Variants in GLB1 observed in about 807,000 individuals in gnomAD.
The protein encoded by GLB1 is galactosidase beta 1, also known as beta-galactosidase.
GLB1 carries 56 observed loss-of-function variants against 74.0 expected under a neutral mutation model. The ratio of observed to expected loss-of-function variants is 0.76; its 90% CI spans 0.61 to 0.94. GLB1 has a LOEUF of 0.94. Ranked by LOEUF, GLB1 falls within the 40% of genes least tolerant of loss-of-function variation. The probability of loss-of-function intolerance (pLI) is 0.00; values close to 1 mark genes in which losing one functional copy is unlikely to be tolerated. For synonymous variants in GLB1, 323 were observed against 323.6 expected (o/e 1.00, Z 0.02); for missense variants, 787 against 845.5 (o/e 0.93, Z 0.86).
chr3:33,026,058 T>G (rs994616298), intron 10 of GLB1, among the ~76,000 whole-genome samples: 2 of 151,930 alleles, frequency 1.3e-5, no homozygotes, highest in Non-Finnish European at 2.9e-5. Flanking sequence ...GGCCCCGAGG[T>G]AGAGCTGTGC....
chr3:32,982,926 T>C, the GLB1 span, among the ~76,000 whole-genome samples: 2 of 152,174 alleles, frequency 1.3e-5, no homozygotes, highest in Non-Finnish European at 2.9e-5. Flanking sequence ...GAATATATCA[T>C]TGTATTATCT....
rs553029870 is a variant in GLB1 at position 33,082,744 on chromosome 3, C to T, written c.76-10031G>A. 2.1e-4 allele frequency among the ~76,000 whole-genome samples: 32 copies of T among 152,222 alleles called. No homozygotes were observed. In the South Asian group the frequency reaches 6.2e-3, roughly 30 times the overall value. The stretch of plus-strand genomic sequence containing the variant: ...ACAGCAGTATATTCTCCCTCTTGCC[C>T]GGGGCTGTGTCCACTGCCCTGCTGT... On this transcript the variant is annotated intron_variant, in intron 1 of 15. Transcript: ENST00000307363.
intron 5 of GLB1, among the ~76,000 whole-genome samples, chr3:33,061,082 C>T (rs546900965): frequency 6.6e-6 from 1 of 152,080 alleles, no homozygotes; most frequent in Non-Finnish European, 1.5e-5. Flanking sequence ...AGAGGAACAC[C>T]GATGTTTCTA....
At chr3:33,004,966 G>T (rs1462830496) in intron 15 of GLB1, among the ~76,000 whole-genome samples, 1 of 152,190 alleles carries the variant, frequency 6.6e-6, no homozygotes, top group Non-Finnish European at 1.5e-5. Flanking sequence ...TAAGAAGAGA[G>T]CCCAGGACCA....
chr3:32,987,432 C>T, the GLB1 span, among the ~76,000 whole-genome samples: 3 of 152,232 alleles, frequency 2.0e-5, no homozygotes, highest in Admixed American at 6.5e-5. Flanking sequence ...ACCCTTCCCT[C>T]ACTTCCTTTC....
At chr3:33,055,753 C>T (rs1699188612) in intron 6 of GLB1, among the ~76,000 whole-genome samples, 2 of 150,998 alleles carry the variant, frequency 1.3e-5, no homozygotes, top group Admixed American at 6.6e-5. Flanking sequence ...AGGTAGGAGG[C>T]ACTGCGCTGG....
At chr3:33,074,381 GAAGGAAGGAAGA>G (rs1401358233) in intron 1 of GLB1, among the ~76,000 whole-genome samples, 1,025 of 9,158 alleles carry the variant, frequency 0.11, 20 homozygotes, top group Non-Finnish European at 0.26. Context: ...AGGAAGGAAG[GAAGGAAGGAAGA>G]AAGAAAGAAA....
chr3:32,970,092 T>C, the GLB1 span, among the ~76,000 whole-genome samples: 1 of 152,346 alleles, frequency 6.6e-6, no homozygotes, highest in Non-Finnish European at 1.5e-5. Flanking sequence ...TTCCCAGATT[T>C]GGACTGCCTC....
chr3:33,014,448 A>C, intron 14 of GLB1, 138 bp from the exon 15 acceptor site: 1 of 1,314,684 alleles, frequency 7.6e-7, no homozygotes, highest in Non-Finnish European at 1.0e-6. Context: ...ATATGTGTAC[A>C]TCGAAGTAAC....
At chr3:33,092,579 G>C in intron 1 of GLB1, 1 of 1,253,988 alleles carries the variant, frequency 8.0e-7, no homozygotes, top group Admixed American at 3.6e-5. Flanking sequence ...AAAATAGAGG[G>C]GAGTGCTAAT....
At chr3:32,998,885 C>T (rs866639018) in intron 15 of GLB1, among the ~76,000 whole-genome samples, 6 of 152,194 alleles carry the variant, frequency 3.9e-5, no homozygotes, top group African/African-American at 1.4e-4. Context: ...TTTTCAGCCT[C>T]CAAGTGTCCC....
chr3:33,072,710 C>T lies in GLB1; in HGVS notation c.79G>A (p.Ala27Thr). ...TCAATTTCAAACATCCTCTGGGTGGCATTCTACAGAGCAAGGATGGGGTCA... is the reference window on the plus strand; with the variant it reads ...TCAATTTCAAACATCCTCTGGGTGGTATTCTACAGAGCAAGGATGGGGTCA... ...LLGPTRGLRN[A>T]TQRMFEIDYS... Residue 27 changes from alanine to threonine, a missense_variant, in exon 2 of 16, where the codon GCC becomes ACC. Ala to Thr is a moderately conservative substitution (Grantham distance 58). Coordinates refer to ENST00000307363, the MANE Select transcript of GLB1 (RefSeq NM_000404.4). 6.2e-7 allele frequency: 1 copy of T among 1,614,152 alleles called. No homozygotes were observed. The highest frequency in any genetic ancestry group is 8.5e-7 in the Non-Finnish European group (1 of 1,180,032).
downstream of GLB1, among the ~76,000 whole-genome samples, chr3:32,993,140 T>C (rs1696254159): frequency 6.6e-6 from 1 of 152,200 alleles, no homozygotes; most frequent in African/African-American, 2.4e-5. Flanking sequence ...TCATTTCCTA[T>C]TTGTGTCATT....
At chr3:33,021,772 C>T in intron 11 of GLB1, 117 bp from the exon 12 acceptor site, 1 of 1,160,116 alleles carries the variant, frequency 8.6e-7, no homozygotes, top group Non-Finnish European at 1.2e-6. Flanking sequence ...CTAAATAAAC[C>T]TAAATCATTC....
intron 13 of GLB1, among the ~76,000 whole-genome samples, chr3:33,017,365 T>C (rs1286801418): frequency 6.6e-6 from 1 of 152,156 alleles, no homozygotes; most frequent in Non-Finnish European, 1.5e-5. Context: ...CAACAACATA[T>C]TCCTAACTTT....
intron 15 of GLB1, among the ~76,000 whole-genome samples, chr3:32,998,894 C>T (rs569978979): frequency 3.3e-5 from 5 of 152,272 alleles, no homozygotes; most frequent in South Asian, 2.1e-4. Flanking sequence ...TCCAAGTGTC[C>T]CCTTTACTTT....
chr3:33,033,919 C>G, intron 10 of GLB1: 1 of 544,546 alleles, frequency 1.8e-6, no homozygotes, highest in Non-Finnish European at 3.7e-6. Context: ...TTTATGATGC[C>G]CAGATGGACT....
chr3:33,052,032 A>AG, intron 7 of GLB1, 28 bp from the exon 8 acceptor site: 1 of 1,612,160 alleles, frequency 6.2e-7, no homozygotes, highest in South Asian at 1.1e-5. Flanking sequence ...CGTAGCCCTT[A>AG]GGATAGACTT....
chr3:33,077,088 C>A, intron 1 of GLB1: 1 of 1,386,478 alleles, frequency 7.2e-7, no homozygotes, highest in Non-Finnish European at 9.5e-7. Flanking sequence ...TTAGTGTCTC[C>A]CTCACCCACT....
Sources: gnomAD v4.1 joint callset for allele counts (sites outside exome capture counted in the v4.1 genomes callset) on GRCh38, gnomAD v4.1.1 for gene constraint, MANE v1.5 for transcripts, NCBI Gene and HGNC (gene_info 2026-07-23, HGNC 2026-07-21) for gene names.